The following ERI3 variants were observed in gnomAD, a reference collection of about 807,000 sequenced individuals.
ERI3 encodes the protein ERI1 exoribonuclease 3.
Under a neutral mutation model 44.4 loss-of-function variants are expected in ERI3, and 18 were observed. That is an observed-to-expected ratio of 0.41 (90% confidence interval 0.28 to 0.60). The LOEUF is 0.60. Among genes scored for constraint, ERI3 ranks in the 20% least tolerant of loss-of-function variants. ERI3 has a pLI of 0.36. For missense variants in ERI3, 294 were observed against 435.5 expected (o/e 0.68, Z 2.89); for synonymous variants, 183 against 164.8 (o/e 1.11, Z -0.84).
At chr1:44,232,112 T>C (rs1644198786) in intron 8 of ERI3, among the ~76,000 whole-genome samples, 1 of 152,136 alleles carries the variant, frequency 6.6e-6, no homozygotes, top group African/African-American at 2.4e-5. Flanking sequence ...AGATAATAAA[T>C]CCCCTTATTT....
chr1:44,272,055 A>G (rs1212641660), intron 7 of ERI3, among the ~76,000 whole-genome samples: 1 of 151,470 alleles, frequency 6.6e-6, no homozygotes, highest in Admixed American at 6.6e-5. Flanking sequence ...CCGATAGCCT[A>G]GTCATCTCAT....
intron 7 of ERI3, among the ~76,000 whole-genome samples, chr1:44,283,532 A>G (rs1045934749): frequency 1.3e-5 from 2 of 152,246 alleles, no homozygotes; most frequent in Non-Finnish European, 2.9e-5. Flanking sequence ...ACAGAAGGCA[A>G]GCCATAGAGC....
In ERI3 at chr1:44,355,237, G is replaced by T. The variant is rs542132109; in HGVS notation, c.-211C>A. ...CCTGAACAGCGGCAGCCAGCACCAC[G>T]AGTCCACAACACACCGACTCACCTC... On this transcript the variant is annotated 5_prime_UTR_variant, in exon 1 of 9. Transcript: ENST00000372257. 32 of 1,180,684 alleles carry T rather than the reference G, an allele frequency of 2.7e-5. No individual in the cohort carries two copies. In the South Asian group the frequency reaches 1.3e-3, roughly 49 times the overall value. 73.1% of individuals were successfully genotyped at this position (1,180,684 alleles called of 1,614,324 possible).
At chr1:44,285,679 G>A (rs969931492) in intron 6 of ERI3, among the ~76,000 whole-genome samples, 6 of 152,162 alleles carry the variant, frequency 3.9e-5, no homozygotes, top group African/African-American at 1.4e-4. Flanking sequence ...ACAAGGGTCA[G>A]GAACTTACGA....
At chr1:44,311,772 G>A (rs1645978455) in intron 5 of ERI3, among the ~76,000 whole-genome samples, 1 of 152,132 alleles carries the variant, frequency 6.6e-6, no homozygotes, top group African/African-American at 2.4e-5. Context: ...CATCCCTCAG[G>A]AGCCAGGTCC....
intron 6 of ERI3, among the ~76,000 whole-genome samples, chr1:44,306,637 A>C (rs1358490826): frequency 3.3e-5 from 5 of 152,216 alleles, no homozygotes; most frequent in Non-Finnish European, 5.9e-5. Flanking sequence ...ACCAACTCCA[A>C]GCTTATAGTC....
chr1:44,352,154 A>G (rs1034302526), intron 2 of ERI3, among the ~76,000 whole-genome samples: 6 of 152,230 alleles, frequency 3.9e-5, no homozygotes, highest in African/African-American at 1.2e-4. Context: ...CTGGATATCA[A>G]TCATCCAGAG....
intron 2 of ERI3, among the ~76,000 whole-genome samples, chr1:44,346,187 T>C (rs1439450956): frequency 6.6e-6 from 1 of 152,240 alleles, no homozygotes; most frequent in Admixed American, 6.5e-5. Flanking sequence ...CAGCTGCTTC[T>C]GCTCCAAGGC....
chr1:44,310,420 C>T (rs931165563), intron 5 of ERI3, among the ~76,000 whole-genome samples: 3 of 152,234 alleles, frequency 2.0e-5, no homozygotes, highest in Non-Finnish European at 4.4e-5. Flanking sequence ...GTCTTACTCA[C>T]TGCCTTAATC....
At chr1:44,349,594 C>T (rs1646851679) in intron 2 of ERI3, among the ~76,000 whole-genome samples, 1 of 152,212 alleles carries the variant, frequency 6.6e-6, no homozygotes, top group South Asian at 2.1e-4. Context: ...CATATGTTCA[C>T]AACGACAACT....
At chr1:44,308,152 A>C (rs1263857447) in intron 6 of ERI3, among the ~76,000 whole-genome samples, 158 bp downstream of exon 6, 1 of 152,164 alleles carries the variant, frequency 6.6e-6, no homozygotes, top group Non-Finnish European at 1.5e-5. Flanking sequence ...CCAGAGAGGC[A>C]GAAGGCAGGG....
intron 3 of ERI3, 154 bp from the exon 4 acceptor site, chr1:44,319,898 C>A: frequency 1.6e-6 from 1 of 633,930 alleles, no homozygotes; most frequent in Non-Finnish European, 2.8e-6. Flanking sequence ...TTGAGTGAGA[C>A]GGCACCAGCA....
intron 8 of ERI3, among the ~76,000 whole-genome samples, chr1:44,229,741 C>T (rs758943748): frequency 7.0e-6 from 1 of 142,178 alleles, no homozygotes; most frequent in African/African-American, 2.7e-5. Flanking sequence ...GGCCTGGAAG[C>T]GGGAGCGGAG....
intron 7 of ERI3, among the ~76,000 whole-genome samples, chr1:44,259,916 T>TAGACAGACAGACAGAC (rs1236516662): frequency 1.3e-4 from 19 of 141,472 alleles, no homozygotes; most frequent in African/African-American, 4.9e-4. Flanking sequence ...GATAGATAGA[T>TAGACAGACAGACAGAC]AGATAGACAG....
chr1:44,315,590 C>T (rs1379595374), intron 4 of ERI3, among the ~76,000 whole-genome samples: 1 of 152,252 alleles, frequency 6.6e-6, no homozygotes, highest in Non-Finnish European at 1.5e-5. Context: ...GAATCATCAG[C>T]CTGGGAGGAG....
At chr1:44,276,116 T>A (rs187996748) in intron 7 of ERI3, among the ~76,000 whole-genome samples, 1 of 152,272 alleles carries the variant, frequency 6.6e-6, no homozygotes, top group South Asian at 2.1e-4. Flanking sequence ...TGGGAATGAA[T>A]AGAGTGAGAA....
At chr1:44,272,123 T>G (rs1198813969) in intron 7 of ERI3, among the ~76,000 whole-genome samples, 2 of 152,168 alleles carry the variant, frequency 1.3e-5, no homozygotes, top group East Asian at 3.8e-4. Context: ...TACCATTTTA[T>G]CCTCAGGTCA....
At chr1:44,263,408 C>G (rs746308280) in intron 7 of ERI3, among the ~76,000 whole-genome samples, 4 of 152,236 alleles carry the variant, frequency 2.6e-5, no homozygotes, top group Non-Finnish European at 4.4e-5. Context: ...CAGGCCCACA[C>G]TGCCTCTCAG....
intron 7 of ERI3, chr1:44,256,654 C>T (rs1306916003): frequency 6.6e-6 from 1 of 152,324 alleles, no homozygotes; most frequent in African/African-American, 2.4e-5. Flanking sequence ...GCCTCTAGTG[C>T]ACTGGGCCAC....
Sources: allele counts gnomAD v4.1 joint callset (sites outside exome capture counted in the v4.1 genomes callset), GRCh38; gene constraint gnomAD v4.1.1; transcripts MANE v1.5; gene names NCBI Gene and HGNC (gene_info 2026-07-23, HGNC 2026-07-21).